The following SPIN1 variants were observed in gnomAD, a reference collection of about 807,000 sequenced individuals.
SPIN1 encodes spindlin-1.
A neutral mutation model predicts 26.0 loss-of-function variants in SPIN1; 3 were observed. The observed-to-expected ratio is 0.12, with a 90% CI of 0.05 to 0.30. The LOEUF is 0.30. Among genes scored for constraint, SPIN1 ranks in the 10% least tolerant of loss-of-function variants. The probability of loss-of-function intolerance (pLI) is 1.00; values close to 1 mark genes in which losing one functional copy is unlikely to be tolerated. For synonymous variants in SPIN1, 101 were observed against 116.5 expected, an observed-to-expected ratio of 0.87 and a Z score of 0.86; for missense variants, 126 against 333.4, an observed-to-expected ratio of 0.38 and a Z score of 4.84.
chr9:88,462,945 A>G (rs1314015307), intron 4 of SPIN1, among the ~76,000 whole-genome samples, 196 bp downstream of exon 4: 3 of 152,126 alleles, frequency 2.0e-5, no homozygotes, highest in Non-Finnish European at 4.4e-5. Flanking sequence ...GGATATAGAG[A>G]TGTGTATTTT....
intron 3 of SPIN1, among the ~76,000 whole-genome samples, chr9:88,455,192 C>T (rs778145812): frequency 2.6e-5 from 4 of 152,202 alleles, no homozygotes; most frequent in Middle Eastern, 3.2e-3. Flanking sequence ...CTGCCGGGCG[C>T]GGTGGCTCAC....
chr9:88,443,035 G>T (rs545384353), intron 2 of SPIN1, among the ~76,000 whole-genome samples: 2 of 149,942 alleles, frequency 1.3e-5, no homozygotes, highest in East Asian at 2.0e-4. Flanking sequence ...CAGGCGAATC[G>T]CTTGAACCTG....
At chr9:88,408,487 C>G (rs909754380) in intron 1 of SPIN1, among the ~76,000 whole-genome samples, 1 of 148,680 alleles carries the variant, frequency 6.7e-6, no homozygotes, top group Non-Finnish European at 1.5e-5. Flanking sequence ...AAGCAGTTCT[C>G]TGCCACAACC....
intron 1 of SPIN1, among the ~76,000 whole-genome samples, chr9:88,398,039 C>T (rs1238844603): frequency 6.6e-6 from 1 of 151,940 alleles, no homozygotes; most frequent in Non-Finnish European, 1.5e-5. Context: ...CTTCCCATCT[C>T]AGCCTCCCGC....
intron 1 of SPIN1, among the ~76,000 whole-genome samples, chr9:88,399,869 C>T (rs903816914): frequency 1.3e-5 from 2 of 152,120 alleles, no homozygotes; most frequent in Admixed American, 6.6e-5. Context: ...GTAAGGGACC[C>T]GAAGGTTTCT....
At chr9:88,431,960 T>A (rs1168800982) in intron 2 of SPIN1, among the ~76,000 whole-genome samples, 1 of 152,176 alleles carries the variant, frequency 6.6e-6, no homozygotes, top group Non-Finnish European at 1.5e-5. Context: ...AGGATCACTT[T>A]GAGCTCAGGT....
chr9:88,431,041 C>T (rs1392763134), intron 2 of SPIN1, among the ~76,000 whole-genome samples: 1 of 152,072 alleles, frequency 6.6e-6, no homozygotes, highest in Non-Finnish European at 1.5e-5. Context: ...CACCACCACA[C>T]TCGGCTAACT....
At chr9:88,442,587 G>T (rs2118103976) in intron 2 of SPIN1, among the ~76,000 whole-genome samples, 1 of 151,806 alleles carries the variant, frequency 6.6e-6, no homozygotes, top group South Asian at 2.1e-4. Flanking sequence ...GTTTCACCTT[G>T]TTGGCCAGGT....
chr9:88,455,843 G>A (rs1232187419), intron 3 of SPIN1, among the ~76,000 whole-genome samples: 1 of 151,766 alleles, frequency 6.6e-6, no homozygotes, highest in South Asian at 2.1e-4. Context: ...TAGGCATGGT[G>A]GCAGGCACCC....
intron 3 of SPIN1, among the ~76,000 whole-genome samples, chr9:88,456,893 G>T (rs1442286862): frequency 1.3e-5 from 2 of 152,100 alleles, no homozygotes; most frequent in Non-Finnish European, 1.5e-5. Flanking sequence ...CTTATCTTCA[G>T]ATATCAGAAA....
At chr9:88,459,961 TGA>T (rs1491391829) in intron 3 of SPIN1, among the ~76,000 whole-genome samples, 1 of 152,186 alleles carries the variant, frequency 6.6e-6, no homozygotes, top group Non-Finnish European at 1.5e-5. Context: ...TGTCAAATTC[TGA>T]GTCTATCCCT....
intron 2 of SPIN1, among the ~76,000 whole-genome samples, chr9:88,432,229 T>C (rs1259671555): frequency 7.2e-6 from 1 of 137,974 alleles, no homozygotes; most frequent in Non-Finnish European, 1.6e-5. Context: ...CTTGCTCTGT[T>C]GCCCAGGCTA....
chr9:88,411,592 T>G, intron 1 of SPIN1: 1 of 563,608 alleles, frequency 1.8e-6, no homozygotes, highest in Non-Finnish European at 3.1e-6. Context: ...TGGCTTACTA[T>G]AGCCTTGGCC....
intron 1 of SPIN1, among the ~76,000 whole-genome samples, chr9:88,425,057 C>T (rs1827738471): frequency 6.6e-6 from 1 of 151,960 alleles, no homozygotes; most frequent in South Asian, 2.1e-4. Context: ...AAATGCAAAC[C>T]ATCTTTTTGG....
intron 1 of SPIN1, among the ~76,000 whole-genome samples, chr9:88,390,982 T>G (rs982347168): frequency 6.6e-6 from 1 of 152,078 alleles, no homozygotes; most frequent in African/African-American, 2.4e-5. Flanking sequence ...AACCAGAAAA[T>G]TTAATAATTA....
At chr9:88,456,831 CAG>C (rs1279873077) in intron 3 of SPIN1, among the ~76,000 whole-genome samples, 1 of 151,964 alleles carries the variant, frequency 6.6e-6, no homozygotes, top group Non-Finnish European at 1.5e-5. Flanking sequence ...GTGTAGAAAA[CAG>C]AGGAGACTTG....
At chr9:88,441,398 C>CGCGTGTGTGTGTGT (rs757363030) in intron 2 of SPIN1, among the ~76,000 whole-genome samples, 4 of 137,730 alleles carry the variant, frequency 2.9e-5, no homozygotes, top group African/African-American at 1.3e-4. Flanking sequence ...TGCTGCCATT[C>CGCGTGTGTGTGTGT]GTGTGTGTGT....
chr9:88,432,652 T>G (rs1000232687), intron 2 of SPIN1, among the ~76,000 whole-genome samples: 2 of 149,112 alleles, frequency 1.3e-5, no homozygotes, highest in African/African-American at 5.0e-5. Flanking sequence ...CCCAGCTAAT[T>G]TTTTCTTTTT....
chr9:88,395,461 T>G lies in SPIN1; in HGVS notation c.-159+6923T>G, dbSNP rs956690586. Reference sequence around the variant, plus strand: ...ATGATGAACATTTGGGTTGTTTATATTCTCTTGGCTGTTATAAATATTGCG... The same window carrying G: ...ATGATGAACATTTGGGTTGTTTATAGTCTCTTGGCTGTTATAAATATTGCG... On this transcript the variant is annotated intron_variant, in intron 1 of 5. Transcript: ENST00000375859. Among the ~76,000 whole-genome samples the G allele has an allele frequency of 1.4e-4, 21 of 152,098 alleles. 1 individual carries two copies. The highest frequency in any genetic ancestry group is 2.9e-5 in the Non-Finnish European group (2 of 68,024).
Sources: gnomAD v4.1 joint callset for allele counts (sites outside exome capture counted in the v4.1 genomes callset) on GRCh38, gnomAD v4.1.1 for gene constraint, MANE v1.5 for transcripts, NCBI Gene and HGNC (gene_info 2026-07-23, HGNC 2026-07-21) for gene names.